KIAA1549: variants seen among roughly 807,000 people sequenced by gnomAD.
The protein encoded by KIAA1549 is KIAA1549.
Under a neutral mutation model 156.4 loss-of-function variants are expected in KIAA1549, and 70 were observed. That is an observed-to-expected ratio of 0.45 (90% CI 0.37 to 0.55). KIAA1549 has a LOEUF of 0.55. KIAA1549 is among the 20% of genes least tolerant of loss of function. The probability of loss-of-function intolerance (pLI) is 0.00; values close to 1 mark genes in which losing one functional copy is unlikely to be tolerated. For missense variants in KIAA1549, 2,428 were observed against 2,540.9 expected, an observed-to-expected ratio of 0.96 and a Z score of 0.96; for synonymous variants, 1,103 against 1,066.4, an observed-to-expected ratio of 1.03 and a Z score of -0.67.
At chr7:138,847,569 T>C (rs1810114949) in intron 17 of KIAA1549, among the ~76,000 whole-genome samples, 1 of 152,266 alleles carries the variant, frequency 6.6e-6, no homozygotes, top group Non-Finnish European at 1.5e-5. Context: ...AGCTTTGTAA[T>C]AAACCAGTGT....
In KIAA1549 at chr7:138,883,089, T is replaced by TAA. The variant is rs1201752539; in HGVS notation, c.4033-1507_4033-1506dup. Among the ~76,000 whole-genome samples the TAA allele has an allele frequency of 9.1e-3, 426 of 47,060 alleles. 121 individuals are homozygous for TAA. Among genetic ancestry groups the TAA allele is most frequent in the East Asian group, 0.057 (88 of 1,540 alleles). 30.9% of individuals were successfully genotyped at this position (47,060 alleles called of 152,430 possible). A position where few individuals can be genotyped will look rare whatever the true frequency, so the allele number is the denominator to read the frequency against. ...CAACATGGTGAAACCCCATCTCCCC[T>TAA]AAAAAAAAAAAAAAAAAAAAAAAAA... On this transcript the variant is annotated intron_variant, in intron 10 of 19. Coordinates refer to ENST00000422774, the MANE Select transcript of KIAA1549 (RefSeq NM_001164665.2).
chr7:138,846,794 G>A (rs1309040489), intron 17 of KIAA1549, among the ~76,000 whole-genome samples: 1 of 152,144 alleles, frequency 6.6e-6, no homozygotes, highest in Non-Finnish European at 1.5e-5. Context: ...ACAGTTCTTT[G>A]CAAATGACAC....
In KIAA1549 at chr7:138,832,943, C is replaced by T. The variant is rs1584974141; in HGVS notation, c.*4963G>A. 4.3e-6 allele frequency: 1 copy of T among 230,918 alleles called. No individual in the cohort carries two copies. The allele number at this position is 230,918 out of a possible 1,614,324, so 14.3% of individuals were successfully genotyped here. On this transcript the variant is annotated 3_prime_UTR_variant, in exon 20 of 20. Coordinates refer to ENST00000422774, the MANE Select transcript of KIAA1549 (RefSeq NM_001164665.2). ...ATAGTTGATGAGTATGTTACAGCAGCTGCTCATAGAAACCCTGTTAGAACG... is the reference window on the plus strand; with the variant it reads ...ATAGTTGATGAGTATGTTACAGCAGTTGCTCATAGAAACCCTGTTAGAACG...
intron 6 of KIAA1549, among the ~76,000 whole-genome samples, chr7:138,906,437 C>A (rs1001630264): frequency 6.6e-6 from 1 of 152,114 alleles, no homozygotes; most frequent in Non-Finnish European, 1.5e-5. Flanking sequence ...TATGAATGTG[C>A]GGAAGCAGGA....
At chr7:138,920,173 C>CT in intron 1 of KIAA1549, among the ~76,000 whole-genome samples, 1 of 146,892 alleles carries the variant, frequency 6.8e-6, no homozygotes, top group African/African-American at 2.6e-5. Context: ...ATGCCCTTCC[C>CT]AGCTCTCTAC....
At chr7:138,869,801 C>A in intron 13 of KIAA1549, 40 bp from the exon 14 acceptor site, 1 of 1,488,154 alleles carries the variant, frequency 6.7e-7, no homozygotes, top group Non-Finnish European at 9.2e-7. Context: ...CCATAGAGGT[C>A]CCGGGAAGCT....
At chr7:138,847,275 CT>C (rs1172107127) in intron 17 of KIAA1549, among the ~76,000 whole-genome samples, 2 of 152,190 alleles carry the variant, frequency 1.3e-5, no homozygotes, top group African/African-American at 4.8e-5. Flanking sequence ...ATGGGACTAA[CT>C]TGGGTAACTG....
intron 10 of KIAA1549, among the ~76,000 whole-genome samples, chr7:138,893,706 A>G (rs1378576237): frequency 1.3e-5 from 2 of 152,256 alleles, no homozygotes; most frequent in Non-Finnish European, 2.9e-5. Flanking sequence ...GGAGTTGTAC[A>G]CAAAATAGAT....
In KIAA1549 at chr7:138,866,152, A is replaced by C. The variant is rs957984571; in HGVS notation, c.4929+1823T>G. Among the ~76,000 whole-genome samples, 3 of 152,320 alleles carry C rather than the reference A, an allele frequency of 2.0e-5. No homozygotes were observed. The East Asian group carries it at 5.8e-4, about 29-fold the overall frequency. On this transcript the variant is annotated intron_variant, in intron 15 of 19. Coordinates refer to ENST00000422774, the MANE Select transcript of KIAA1549 (RefSeq NM_001164665.2). ...ACTACTCAATTCCTCGTACTGAGGA[A>C]GACAGTAGTTTCATTTACAGACAGC...
chr7:138,897,196 T>C (rs1315931665), intron 9 of KIAA1549, among the ~76,000 whole-genome samples: 3 of 152,232 alleles, frequency 2.0e-5, no homozygotes, highest in African/African-American at 7.2e-5. Flanking sequence ...ATCGCATATA[T>C]GAAGAACTGT....
chr7:138,885,167 C>G, intron 10 of KIAA1549, among the ~76,000 whole-genome samples: 1 of 152,206 alleles, frequency 6.6e-6, no homozygotes, highest in East Asian at 1.9e-4. Context: ...TGTACTCCAG[C>G]CTTGTACTCC....
At chr7:138,925,053 C>T (rs1164926666) in intron 1 of KIAA1549, among the ~76,000 whole-genome samples, 1 of 152,136 alleles carries the variant, frequency 6.6e-6, no homozygotes, top group African/African-American at 2.4e-5. Context: ...AACCCTTGTT[C>T]ACTGGGAGCC....
At chr7:138,885,862 T>C (rs998539790) in intron 10 of KIAA1549, among the ~76,000 whole-genome samples, 2 of 147,404 alleles carry the variant, frequency 1.4e-5, no homozygotes, top group African/African-American at 5.0e-5. Flanking sequence ...TCAGAAGTTC[T>C]GGAGACCTAC....
At position 138,837,514 on chromosome 7, in the gene KIAA1549, C is replaced by T. The variant is rs928384563; in HGVS notation, c.*392G>A. On this transcript the variant is annotated 3_prime_UTR_variant, in exon 20 of 20. Coordinates refer to ENST00000422774, the MANE Select transcript of KIAA1549 (RefSeq NM_001164665.2). ...TCAGAAAACAAAGCAGCAGGTTCAT[C>T]GTACACGTACCAGTCTCAATCCCAC... 8 of 312,936 alleles carry T rather than the reference C, an allele frequency of 2.6e-5. No homozygotes were observed. The highest frequency in any genetic ancestry group is 1.3e-4 in the African/African-American group (6 of 47,412). 19.4% of individuals were successfully genotyped at this position (312,936 alleles called of 1,614,324 possible).
At chr7:138,958,936 G>C (rs1011116875) in intron 1 of KIAA1549, among the ~76,000 whole-genome samples, 1 of 151,758 alleles carries the variant, frequency 6.6e-6, no homozygotes. Flanking sequence ...GTGTTGCTCT[G>C]TCACCCAGGC....
intron 10 of KIAA1549, among the ~76,000 whole-genome samples, chr7:138,883,472 C>T (rs976749458): frequency 4.6e-5 from 7 of 151,762 alleles, no homozygotes; most frequent in Non-Finnish European, 7.4e-5. Flanking sequence ...GCCACCATGC[C>T]GGGGGTAATT....
intron 1 of KIAA1549, among the ~76,000 whole-genome samples, chr7:138,943,874 T>A (rs80128159): frequency 1.3e-5 from 2 of 149,872 alleles, no homozygotes; most frequent in Admixed American, 6.6e-5. Context: ...AAAAAAAAAA[T>A]GCATTACCTC....
intron 1 of KIAA1549, among the ~76,000 whole-genome samples, chr7:138,933,958 T>A (rs1812940090): frequency 2.0e-5 from 3 of 152,166 alleles, no homozygotes; most frequent in Admixed American, 2.0e-4. Context: ...AGAGTAAGAT[T>A]CTGTCTCAAA....
chr7:138,918,218 C>G lies in KIAA1549; in HGVS notation c.1408G>C (p.Asp470His), dbSNP rs1403455554. 2 of 1,613,900 alleles carry G rather than the reference C, an allele frequency of 1.2e-6. No individual in the cohort carries two copies. The highest frequency in any genetic ancestry group is 1.3e-5 in the African/African-American group (1 of 74,942). ...GGATCTTCCTCAAATTCAGAGAAGTCTGCTACGACGCTACTCATTAGAGAG... is the reference window on the plus strand; with the variant it reads ...GGATCTTCCTCAAATTCAGAGAAGTGTGCTACGACGCTACTCATTAGAGAG... ...SISLMSSVVA[D>H]FSEFEEDPQV... Residue 470 changes from aspartate (D) to histidine (H), a missense_variant, in exon 2 of 20, where the codon GAC becomes CAC. Physicochemically the swap from Asp to His is moderately conservative, Grantham distance 81. Around this residue, in one of 5 missense-constraint regions of KIAA1549, gnomAD observed 893 missense variants for 847.9 expected, o/e 1.05. Coordinates refer to ENST00000422774, the MANE Select transcript of KIAA1549 (RefSeq NM_001164665.2). This position sits in a 1 kb window ranked among gnomAD's most constrained non-coding sequence, Gnocchi z 4.2.
Sources: allele counts gnomAD v4.1 joint callset (sites outside exome capture counted in the v4.1 genomes callset), GRCh38; gene constraint gnomAD v4.1.1; regional missense constraint gnomAD v4.1.1; non-coding constraint Gnocchi (gnomAD v3.1); transcripts MANE v1.5; gene names NCBI Gene and HGNC (gene_info 2026-07-23, HGNC 2026-07-21).